RIMS1: variants seen among roughly 807,000 people sequenced by gnomAD.
RIMS1 encodes regulating synaptic membrane exocytosis 1, also known as regulating synaptic membrane exocytosis protein 1.
A neutral mutation model predicts 214.1 loss-of-function variants in RIMS1; 83 were observed. That is an observed-to-expected ratio of 0.39 (90% CI 0.32 to 0.47). The LOEUF (loss-of-function observed/expected upper bound fraction) is 0.47. Ranked by LOEUF, RIMS1 falls within the 20% of genes least tolerant of loss-of-function variation. RIMS1 has a pLI of 0.99. For synonymous variants in RIMS1, 793 were observed against 786.8 expected (o/e 1.01, Z -0.13); for missense variants, 2,050 against 2,161.8 (o/e 0.95, Z 1.03).
At chr6:72,121,568 T>G (rs2038323328) in intron 4 of RIMS1, among the ~76,000 whole-genome samples, 2 of 151,922 alleles carry the variant, frequency 1.3e-5, no homozygotes, top group Admixed American at 6.6e-5. Flanking sequence ...ACAATGGGGT[T>G]TTCTGAGTAC....
At chr6:71,940,842 T>C (rs796135308) in intron 1 of RIMS1, among the ~76,000 whole-genome samples, 7 of 152,198 alleles carry the variant, frequency 4.6e-5, no homozygotes, top group African/African-American at 1.7e-4. Flanking sequence ...AAGGGATGGC[T>C]CCCAGGTCCT....
chr6:72,081,325 T>C (rs1416222816), intron 2 of RIMS1, among the ~76,000 whole-genome samples: 1 of 152,194 alleles, frequency 6.6e-6, no homozygotes, highest in Non-Finnish European at 1.5e-5. Flanking sequence ...AACTGTTGAC[T>C]TGGAATTAGA....
In RIMS1 at chr6:72,258,170, C is replaced by A; in HGVS notation, c.2816C>A (p.Thr939Asn). 6.2e-6 allele frequency: 10 copies of A among 1,613,150 alleles called. No individual in the cohort carries two copies. Among genetic ancestry groups the A allele is most frequent in the Non-Finnish European group, 8.5e-6 (10 of 1,179,442 alleles). Residue 939 changes from threonine to asparagine, a missense_variant, in exon 17 of 34, where the codon ACT becomes AAT. Thr to Asn is a moderately conservative substitution (Grantham distance 65, BLOSUM62 0). Coordinates refer to ENST00000521978, the MANE Select transcript of RIMS1 (RefSeq NM_014989.7). Reference sequence around the variant, plus strand: ...AGAGAAAGTAAATCTACAACATTAACTGTGCCAGAACAGCAAAGAACAACT... The same window carrying A: ...AGAGAAAGTAAATCTACAACATTAAATGTGCCAGAACAGCAAAGAACAACT... The part of the protein sequence containing the change: ...SARESKSTTL[T>N]VPEQQRTTHH...
chr6:71,980,420 G>C (rs1226519193), intron 2 of RIMS1, among the ~76,000 whole-genome samples: 1 of 152,106 alleles, frequency 6.6e-6, no homozygotes, highest in Non-Finnish European at 1.5e-5. Context: ...TAAAAGTTCA[G>C]GAGTCAGAAT....
At chr6:72,165,257 T>C (rs1457483878) in intron 4 of RIMS1, among the ~76,000 whole-genome samples, 1 of 152,240 alleles carries the variant, frequency 6.6e-6, no homozygotes, top group Non-Finnish European at 1.5e-5. Context: ...TACACAAGTC[T>C]ACTTAGTTCT....
Position 71,886,811 on chromosome 6 carries a change from C to T in RIMS1, c.-213C>T. 1 of 592,058 alleles carries T rather than the reference C, an allele frequency of 1.7e-6. No individual in the cohort carries two copies. The highest frequency in any genetic ancestry group is 2.9e-6 in the Non-Finnish European group (1 of 339,656). The allele number at this position is 592,058 out of a possible 1,614,324, so 36.7% of individuals were successfully genotyped here. On this transcript the variant is annotated 5_prime_UTR_variant, in exon 1 of 34. Coordinates refer to ENST00000521978, the MANE Select transcript of RIMS1 (RefSeq NM_014989.7). ...AGGGCGACCAAAACAAAGGCAGCAT[C>T]CGGGGCTGGGTGGATGCAAACAACC... is the stretch of plus-strand genomic sequence containing the variant.
Position 71,896,115 on chromosome 6 carries a change from A to G in RIMS1, c.164+8928A>G, listed in dbSNP as rs536005151. On this transcript the variant is annotated intron_variant, in intron 1 of 33. Transcript: ENST00000521978. ...GGAATAAAGGGATATTGAAATGAAC[A>G]GTCTCATTTATTTTAGATATTGAAA... Among the ~76,000 whole-genome samples the G allele has an allele frequency of 3.3e-5, 5 of 152,334 alleles. No homozygotes were observed. The East Asian group carries it at 9.6e-4, about 29-fold the overall frequency.
chr6:72,285,900 T>G (rs2092136285), intron 24 of RIMS1, among the ~76,000 whole-genome samples: 1 of 152,144 alleles, frequency 6.6e-6, no homozygotes, highest in South Asian at 2.1e-4. Flanking sequence ...ATTCATTTTT[T>G]AAAAATACTA....
chr6:72,057,834 A>G (rs945460413), intron 2 of RIMS1, among the ~76,000 whole-genome samples: 1 of 152,220 alleles, frequency 6.6e-6, no homozygotes, highest in African/African-American at 2.4e-5. Flanking sequence ...TGACAAAAAT[A>G]TCCCAACAGA....
chr6:72,339,255 C>A (rs529151416), intron 29 of RIMS1, among the ~76,000 whole-genome samples: 1 of 151,380 alleles, frequency 6.6e-6, no homozygotes. Context: ...GGGAAGAGTA[C>A]TTTTTTTTCA....
chr6:72,215,157 C>T (rs1015946), intron 6 of RIMS1, among the ~76,000 whole-genome samples: 30,792 of 152,088 alleles, frequency 0.2, 3,545 homozygotes, highest in Non-Finnish European at 0.25. Context: ...GCTGGACCAG[C>T]AGATCTATCT....
chr6:72,218,743 T>C (rs1024384113), intron 6 of RIMS1, among the ~76,000 whole-genome samples: 5 of 152,174 alleles, frequency 3.3e-5, no homozygotes, highest in Non-Finnish European at 4.4e-5. Flanking sequence ...TTCCCAGATA[T>C]ATGTACATGA....
chr6:72,304,591 G>C (rs1008104800), intron 26 of RIMS1, among the ~76,000 whole-genome samples: 2 of 151,716 alleles, frequency 1.3e-5, no homozygotes, highest in Non-Finnish European at 2.9e-5. Flanking sequence ...TTTTATTCTA[G>C]ATATATAGTT....
At chr6:72,138,868 C>T (rs1224604623) in intron 4 of RIMS1, among the ~76,000 whole-genome samples, 1 of 152,134 alleles carries the variant, frequency 6.6e-6, no homozygotes, top group Non-Finnish European at 1.5e-5. Flanking sequence ...GTGTAGGTTA[C>T]TACTGCTTGT....
chr6:72,319,585 G>A (rs1292546288), intron 28 of RIMS1, among the ~76,000 whole-genome samples: 1 of 152,092 alleles, frequency 6.6e-6, no homozygotes, highest in Non-Finnish European at 1.5e-5. Flanking sequence ...CTTTGGTTCT[G>A]TCAGCTATGG....
intron 2 of RIMS1, among the ~76,000 whole-genome samples, chr6:72,033,601 C>A (rs1818764220): frequency 6.6e-6 from 1 of 152,074 alleles, no homozygotes; most frequent in Admixed American, 6.6e-5. Flanking sequence ...CCTGCCTCAG[C>A]CTCCCGAGTA....
Position 72,196,580 on chromosome 6 carries a change from C to CTTTTTTTTTTTTTTTTTTTT in RIMS1, c.1678+13435_1678+13454dup, listed in dbSNP as rs61651151. On this transcript the variant is annotated intron_variant, in intron 6 of 33. Transcript: ENST00000521978. Reference sequence around the variant, plus strand: ...AGTACTGTGCTGGCAGCCAGCTGCACTTTTTTTTTTTTTTTTTTTTTTTAC... The same window carrying CTTTTTTTTTTTTTTTTTTTT: ...AGTACTGTGCTGGCAGCCAGCTGCACTTTTTTTTTTTTTTTTTTTTTTTTTTTTTTTTTTTTTTTTTTTAC... 1.2e-3 allele frequency among the ~76,000 whole-genome samples: 68 copies of CTTTTTTTTTTTTTTTTTTTT among 57,200 alleles called. 19 individuals carry two copies. Among genetic ancestry groups the CTTTTTTTTTTTTTTTTTTTT allele is most frequent in the East Asian group, 3.6e-3 (6 of 1,664 alleles). 37.5% of individuals were successfully genotyped at this position (57,200 alleles called of 152,430 possible).
At chr6:72,039,149 G>A (rs1820733100) in intron 2 of RIMS1, among the ~76,000 whole-genome samples, 3 of 77,598 alleles carry the variant, frequency 3.9e-5, no homozygotes, top group Admixed American at 3.4e-4. Flanking sequence ...ATTCATTAAG[G>A]GCTTTCCAAA....
chr6:72,211,921 G>C (rs2053879793), intron 6 of RIMS1, among the ~76,000 whole-genome samples: 1 of 151,922 alleles, frequency 6.6e-6, no homozygotes, highest in Non-Finnish European at 1.5e-5. Context: ...ACCAGTCTTG[G>C]TAATACTCCA....
Sources: allele counts gnomAD v4.1 joint callset (sites outside exome capture counted in the v4.1 genomes callset), GRCh38; gene constraint gnomAD v4.1.1; transcripts MANE v1.5; gene names NCBI Gene and HGNC (gene_info 2026-07-23, HGNC 2026-07-21).